MTDH: variants seen among roughly 807,000 people sequenced by gnomAD.
The protein encoded by MTDH is protein LYRIC.
A neutral mutation model predicts 72.7 loss-of-function variants in MTDH; 34 were observed. The observed-to-expected ratio is 0.47, with a 90% CI of 0.36 to 0.62. The LOEUF is 0.62. Ranked by LOEUF, MTDH falls within the 20% of genes least tolerant of loss-of-function variation. The pLI is 0.00. For synonymous variants in MTDH, 266 were observed against 268.9 expected (o/e 0.99, Z 0.10); for missense variants, 677 against 699.4 (o/e 0.97, Z 0.36).
At chr8:97,661,373 A>G (rs558473761) in intron 2 of MTDH, among the ~76,000 whole-genome samples, 200 bp downstream of exon 2, 1 of 152,354 alleles carries the variant, frequency 6.6e-6, no homozygotes, top group East Asian at 1.9e-4. Context: ...TGCATCACCA[A>G]ATATTTTAAA....
In MTDH at chr8:97,719,083, A is replaced by G; in HGVS notation, c.1415A>G (p.Asp472Gly). 1 of 1,612,560 alleles carries G rather than the reference A, an allele frequency of 6.2e-7. No individual in the cohort carries two copies. Among genetic ancestry groups the G allele is most frequent in the South Asian group, 1.1e-5 (1 of 90,922 alleles). The change falls in exon 10 of 12, where the codon GAC becomes GGC. Residue 472 changes from aspartate to glycine, a missense_variant. Coordinates refer to ENST00000336273, the MANE Select transcript of MTDH (RefSeq NM_178812.4). ...GAATTAGAAAAAGAGATTAGAGAAG[A>G]CCTTCCAGTGAATACCTCTAAAACC... ...TEELEKEIRE[D>G]LPVNTSKTRP...
At chr8:97,677,004 CAAAAAA>C (rs57430782) in intron 2 of MTDH, among the ~76,000 whole-genome samples, 3 of 23,318 alleles carry the variant, frequency 1.3e-4, no homozygotes, top group Non-Finnish European at 2.1e-4. Context: ...GACTCTATCT[CAAAAAA>C]AAAAAAAAAA....
At chr8:97,659,434 T>G (rs768847458) in intron 1 of MTDH, among the ~76,000 whole-genome samples, 4 of 152,200 alleles carry the variant, frequency 2.6e-5, no homozygotes, top group African/African-American at 4.8e-5. Context: ...ACCCAGCAGA[T>G]TATATTTGGG....
chr8:97,673,677 G>A (rs372252091), intron 2 of MTDH, among the ~76,000 whole-genome samples: 59 of 149,658 alleles, frequency 3.9e-4, no homozygotes, highest in African/African-American at 1.4e-3. Flanking sequence ...GGCGGGGAAG[G>A]GGGGGCACAG....
Position 97,729,528 on chromosome 8 carries a change from A to G in MTDH, c.*4858A>G, listed in dbSNP as rs1344314164. On this transcript the variant is annotated 3_prime_UTR_variant, in exon 12 of 12. Coordinates refer to ENST00000336273, the MANE Select transcript of MTDH (RefSeq NM_178812.4). ...ACAGTGTCTGTCAGAGTTGACATAC[A>G]TTGTGTATCTCCTGCACCAAAGCAT... 1.3e-5 allele frequency among the ~76,000 whole-genome samples: 2 copies of G among 152,220 alleles called. No homozygotes were observed. Among genetic ancestry groups the G allele is most frequent in the Admixed American group, 1.3e-4 (2 of 15,276 alleles).
chr8:97,683,796 G>A (rs975659654), intron 2 of MTDH, among the ~76,000 whole-genome samples: 1 of 152,080 alleles, frequency 6.6e-6, no homozygotes, highest in Non-Finnish European at 1.5e-5. Context: ...CACTTGCCAC[G>A]TGTGGATATT....
chr8:97,705,403 C>T (rs542720072), intron 7 of MTDH, among the ~76,000 whole-genome samples: 3 of 151,838 alleles, frequency 2.0e-5, no homozygotes, highest in African/African-American at 7.2e-5. Context: ...AGTTCGAGAC[C>T]AGCCTGGCCA....
chr8:97,680,317 C>G (rs1437509887), intron 2 of MTDH, among the ~76,000 whole-genome samples: 2 of 152,130 alleles, frequency 1.3e-5, no homozygotes, highest in Non-Finnish European at 2.9e-5. Context: ...ATCGGTCGGC[C>G]CACCTCAGCC....
chr8:97,667,211 C>G (rs1464450552), intron 2 of MTDH, among the ~76,000 whole-genome samples: 1 of 152,208 alleles, frequency 6.6e-6, no homozygotes, highest in Non-Finnish European at 1.5e-5. Flanking sequence ...TCTTGAACTC[C>G]TCAGCTCAAA....
chr8:97,668,941 A>T (rs1390416609), intron 2 of MTDH, among the ~76,000 whole-genome samples: 1 of 151,960 alleles, frequency 6.6e-6, no homozygotes, highest in Non-Finnish European at 1.5e-5. Flanking sequence ...ATGCCTTCCC[A>T]TTGCTCTTAG....
At chr8:97,708,293 T>C (rs1814451927) in intron 8 of MTDH, among the ~76,000 whole-genome samples, 1 of 100,494 alleles carries the variant, frequency 1.0e-5, no homozygotes, top group Non-Finnish European at 2.0e-5. Context: ...TTTTTTTTTT[T>C]TTTTTTGAGA....
chr8:97,711,668 G>A (rs1376068900), intron 8 of MTDH, among the ~76,000 whole-genome samples: 2 of 152,140 alleles, frequency 1.3e-5, no homozygotes, highest in Non-Finnish European at 2.9e-5. Flanking sequence ...CCCAGTGGAT[G>A]ACTGAAACCA....
chr8:97,720,492 C>T (rs1044808073), intron 10 of MTDH, among the ~76,000 whole-genome samples: 23 of 151,768 alleles, frequency 1.5e-4, no homozygotes, highest in Non-Finnish European at 1.2e-4. Flanking sequence ...GGGAAGATCA[C>T]TTGAGCCCAG....
chr8:97,719,588 T>C (rs1375910211), intron 10 of MTDH, among the ~76,000 whole-genome samples: 1 of 151,552 alleles, frequency 6.6e-6, no homozygotes. Flanking sequence ...ATTTAAAATA[T>C]AATGACTAAT....
At chr8:97,685,339 T>G (rs1363155154) in intron 2 of MTDH, among the ~76,000 whole-genome samples, 1 of 152,090 alleles carries the variant, frequency 6.6e-6, no homozygotes, top group East Asian at 1.9e-4. Flanking sequence ...ATGAGGTCAG[T>G]AAAAAAAATT....
chr8:97,698,192 T>C (rs1813950663), intron 6 of MTDH, among the ~76,000 whole-genome samples: 1 of 152,222 alleles, frequency 6.6e-6, no homozygotes, highest in South Asian at 2.1e-4. Flanking sequence ...TAACCAAGTA[T>C]CTTTTCTTCC....
Position 97,699,278 on chromosome 8 carries a change from ACT to A in MTDH, c.1049-473_1049-472del, listed in dbSNP as rs202065869. On this transcript the variant is annotated intron_variant, in intron 6 of 11. Transcript: ENST00000336273. ...ACTCCGGCCTGGGCAACAAAGTGAG[ACT>A]CTGTCTCGAAAAAAGAAAAAAAGCC... Among the ~76,000 whole-genome samples, 980 of 152,032 alleles carry A rather than the reference ACT, an allele frequency of 6.4e-3. 11 individuals carry two copies. Among genetic ancestry groups the A allele is most frequent in the African/African-American group, 0.022 (903 of 41,450 alleles).
intron 2 of MTDH, among the ~76,000 whole-genome samples, chr8:97,681,174 G>A (rs1302595485): frequency 6.6e-6 from 1 of 152,150 alleles, no homozygotes; most frequent in African/African-American, 2.4e-5. Context: ...ATCGGTAGGG[G>A]AGCAGATGAT....
chr8:97,668,611 A>G (rs974050193), intron 2 of MTDH, among the ~76,000 whole-genome samples: 2 of 152,030 alleles, frequency 1.3e-5, no homozygotes, highest in South Asian at 2.1e-4. Context: ...CTGGAGTGCA[A>G]TGGCACAATC....
Sources: allele counts gnomAD v4.1 joint callset (sites outside exome capture counted in the v4.1 genomes callset), GRCh38; gene constraint gnomAD v4.1.1; transcripts MANE v1.5; gene names NCBI Gene and HGNC (gene_info 2026-07-23, HGNC 2026-07-21).